Variants in CD109 observed in about 807,000 individuals in gnomAD.
The protein encoded by CD109 is CD109 antigen.
Under a neutral mutation model 165.8 loss-of-function variants are expected in CD109, and 149 were observed. That is an observed-to-expected ratio of 0.90 (90% CI 0.79 to 1.03). The LOEUF is 1.03. CD109 is among the 50% of genes least tolerant of loss of function. The pLI, the probability that CD109 is intolerant of heterozygous loss-of-function variation, is 0.00. For synonymous variants in CD109, 585 were observed against 592.1 expected, an observed-to-expected ratio of 0.99 and a Z score of 0.18; for missense variants, 1,712 against 1,677.8, an observed-to-expected ratio of 1.02 and a Z score of -0.36.
intron 2 of CD109, 74 bp from the exon 3 acceptor site, chr6:73,723,177 G>A (rs1582061617): frequency 1.9e-6 from 3 of 1,605,230 alleles, no homozygotes; most frequent in Non-Finnish European, 2.5e-6. Context: ...TATTGGGAGA[G>A]TTTTGGAAGG....
intron 5 of CD109, among the ~76,000 whole-genome samples, chr6:73,753,385 C>G (rs190620228): frequency 5.1e-4 from 77 of 152,176 alleles, no homozygotes; most frequent in African/African-American, 1.8e-3. Flanking sequence ...ATCTTTTGTA[C>G]TTGATTATAT....
chr6:73,753,831 T>C (rs531752008), intron 5 of CD109, among the ~76,000 whole-genome samples: 2 of 152,344 alleles, frequency 1.3e-5, no homozygotes, highest in East Asian at 1.9e-4. Context: ...CAGGAGATGC[T>C]GCCTGATAAC....
chr6:73,772,915 T>C (rs1774096745), intron 15 of CD109, among the ~76,000 whole-genome samples: 1 of 151,842 alleles, frequency 6.6e-6, no homozygotes, highest in Non-Finnish European at 1.5e-5. Context: ...AAACTTTTTT[T>C]TTTTTTACAA....
rs774672922 is a variant in CD109, at chr6:73,783,765, G to C, written c.2164G>C (p.Ala722Pro). 10 of 1,613,304 alleles carry C rather than the reference G, an allele frequency of 6.2e-6. No individual in the cohort carries two copies. The highest frequency in any genetic ancestry group is 8.5e-6 in the Non-Finnish European group (10 of 1,179,606). The change falls in exon 19 of 33, where the codon GCT (alanine) becomes CCT (proline). Residue 722 changes from alanine (A) to proline (P), a missense_variant. Coordinates refer to ENST00000287097, the MANE Select transcript of CD109 (RefSeq NM_133493.5). ...ACCTGATTCTATCACTTCTTGGGTG[G>C]CTACTGGTTTTGTGATCTCTGAGGA... ...TVPDSITSWV[A>P]TGFVISEDLG...
At chr6:73,684,459 G>A in the CD109 span, among the ~76,000 whole-genome samples, 15 of 151,938 alleles carry the variant, frequency 9.9e-5, no homozygotes, top group African/African-American at 3.6e-4. Flanking sequence ...GGGCTCAAGC[G>A]ATTCACCTGC....
At chr6:73,801,519 C>T (rs1220241719) in intron 23 of CD109, among the ~76,000 whole-genome samples, 1 of 152,198 alleles carries the variant, frequency 6.6e-6, no homozygotes, top group African/African-American at 2.4e-5. Context: ...TTAAATATCA[C>T]CATGAAACAG....
At chr6:73,735,924 CACT>C (rs1488431229) in intron 4 of CD109, among the ~76,000 whole-genome samples, 1 of 152,124 alleles carries the variant, frequency 6.6e-6, no homozygotes, top group Admixed American at 6.6e-5. Context: ...TTTCTTTTAA[CACT>C]ACTACCACCA....
chr6:73,739,416 T>G (rs750732312), intron 5 of CD109, among the ~76,000 whole-genome samples: 11 of 152,134 alleles, frequency 7.2e-5, no homozygotes, highest in Non-Finnish European at 1.3e-4. Flanking sequence ...ATTAAACCCC[T>G]TTTCTTTTAG....
intron 30 of CD109, among the ~76,000 whole-genome samples, chr6:73,815,324 G>C (rs1334429718): frequency 6.6e-6 from 1 of 152,062 alleles, no homozygotes; most frequent in Non-Finnish European, 1.5e-5. Flanking sequence ...TTATTTACAA[G>C]TTTTCCCTGG....
At chr6:73,728,275 A>G (rs1772213820) in intron 3 of CD109, among the ~76,000 whole-genome samples, 1 of 152,160 alleles carries the variant, frequency 6.6e-6, no homozygotes, top group African/African-American at 2.4e-5. Context: ...GGGCCACTGC[A>G]CTCCAGCCTG....
At chr6:73,728,514 T>A (rs982216562) in intron 3 of CD109, among the ~76,000 whole-genome samples, 1 of 152,214 alleles carries the variant, frequency 6.6e-6, no homozygotes, top group African/African-American at 2.4e-5. Context: ...TTACTATACT[T>A]GCTCTATCAT....
At position 73,808,101 on chromosome 6, in the gene CD109, G is replaced by A. The variant is rs1484644406; in HGVS notation, c.3208G>A (p.Glu1070Lys). ...RKYQPNIDVQESIHFLESEFS... is the reference protein window; with the variant it reads ...RKYQPNIDVQKSIHFLESEFS... ...TTCCAAGCCTAACATTGATGTGCAA[G>A]AGTCTATCCATTTTTTGGAGTCTGA... The change falls in exon 26 of 33, where the codon GAG (glutamate) becomes AAG (lysine). Residue 1070 changes from glutamate (E) to lysine (K), a missense_variant. Glu to Lys is a moderately conservative substitution (Grantham distance 56). Transcript: ENST00000287097. 5 of 1,613,054 alleles carry A rather than the reference G, an allele frequency of 3.1e-6. No individual in the cohort carries two copies. The highest frequency in any genetic ancestry group is 4.2e-6 in the Non-Finnish European group (5 of 1,179,474).
In CD109 at chr6:73,823,862, C is replaced by A. The variant is rs945561572; in HGVS notation, c.*229C>A. ...AATGCAGTTGTGTGTCTATATTTTC[C>A]CCTCTCAAAATCTTTTAGAATTTTT... On this transcript the variant is annotated 3_prime_UTR_variant, in exon 33 of 33. Coordinates refer to ENST00000287097, the MANE Select transcript of CD109 (RefSeq NM_133493.5). 8.2e-6 allele frequency: 3 copies of A among 367,926 alleles called. No individual in the cohort carries two copies. The highest frequency in any genetic ancestry group is 1.5e-5 in the Non-Finnish European group (3 of 205,562). The allele number at this position is 367,926 out of a possible 1,614,324, so 22.8% of individuals were successfully genotyped here.
At position 73,766,850 on chromosome 6, in the gene CD109, A is replaced by G. The variant is rs1238022762; in HGVS notation, c.1424A>G (p.Glu475Gly). ...KTYIQLKTRDENIKVGSPFEL... is the reference protein window; with the variant it reads ...KTYIQLKTRDGNIKVGSPFEL... ...TACATCCAACTAAAAACAAGAGATG[A>G]AAATATAAAGGTAATGCTTACAATT... Residue 475 changes from glutamate to glycine, a missense_variant, in exon 12 of 33, where the codon GAA becomes GGA. Glu to Gly is a moderately conservative substitution (Grantham distance 98, BLOSUM62 -2). Transcript: ENST00000287097. The G allele has an allele frequency of 2.5e-6, 4 of 1,611,932 alleles. No individual in the cohort carries two copies. In the Admixed American group the frequency reaches 5.0e-5, roughly 20 times the overall value.
At chr6:73,809,210 T>C (rs1021932621) in intron 26 of CD109, among the ~76,000 whole-genome samples, 1 of 152,006 alleles carries the variant, frequency 6.6e-6, no homozygotes, top group African/African-American at 2.4e-5. Context: ...AGGAAGGTTG[T>C]TGAGTTAGCT....
chr6:73,761,781 A>G (rs1328478990), intron 7 of CD109, among the ~76,000 whole-genome samples: 1 of 152,046 alleles, frequency 6.6e-6, no homozygotes, highest in Non-Finnish European at 1.5e-5. Flanking sequence ...TCGGCCTCCC[A>G]AAGTGCTGGG....
chr6:73,805,456 T>G (rs1291128309), intron 24 of CD109, among the ~76,000 whole-genome samples: 1 of 152,210 alleles, frequency 6.6e-6, no homozygotes. Context: ...CAATCGGATT[T>G]TATACCGAGA....
Position 73,756,637 on chromosome 6 carries a change from C to G in CD109, c.634-6C>G, listed in dbSNP as rs1408284051. ...TCCTGTCTTTTTTTTCTCCCCTGCC[C>G]AATAGGACCAGACATACTATCAATC... On this transcript the variant is annotated splice_polypyrimidine_tract_variant and splice_region_variant and intron_variant, in intron 5 of 32. Coordinates refer to ENST00000287097, the MANE Select transcript of CD109 (RefSeq NM_133493.5). 1 of 1,539,474 alleles carries G rather than the reference C, an allele frequency of 6.5e-7. No homozygotes were observed. The highest frequency in any genetic ancestry group is 2.4e-5 in the East Asian group (1 of 41,092).
intron 10 of CD109, 138 bp from the exon 11 acceptor site, chr6:73,765,792 G>A: frequency 1.6e-6 from 1 of 635,108 alleles, no homozygotes. Context: ...CTCCTAGAGA[G>A]AGGCCACTGA....
Sources: allele counts gnomAD v4.1 joint callset (sites outside exome capture counted in the v4.1 genomes callset), GRCh38; gene constraint gnomAD v4.1.1; transcripts MANE v1.5; gene names NCBI Gene and HGNC (gene_info 2026-07-23, HGNC 2026-07-21).